Variants in CSMD3 observed in about 807,000 individuals in gnomAD.
CSMD3 encodes CUB and sushi domain-containing protein 3.
In CSMD3, 177 loss-of-function variants were observed where a neutral mutation model predicts 435.2. The observed-to-expected ratio is 0.41, with a 90% CI of 0.36 to 0.46. The LOEUF is 0.46. CSMD3 is among the 20% of genes least tolerant of loss of function. The pLI is 0.34. For synonymous variants in CSMD3, 1,656 were observed against 1,520.5 expected (o/e 1.09, Z -2.07); for missense variants, 4,265 against 4,504.6 (o/e 0.95, Z 1.52).
In CSMD3 at chr8:112,306,133, A is replaced by G. The variant is rs1821400276; in HGVS notation, c.7945T>C (p.Leu2649=). 1.9e-6 allele frequency: 3 copies of G among 1,613,448 alleles called. No homozygotes were observed. The highest frequency in any genetic ancestry group is 2.5e-6 in the Non-Finnish European group (3 of 1,179,514). ...AAATAGGTAACTCGCGTTCCTACCA[A>G]ATAGTCTGTTGTTAGTATTCCTCCA... ...TNGGILTTDY[L]VGTRVTYFCN... is the part of the protein sequence containing the mutation. The change falls in exon 51 of 71, where the codon TTG becomes CTG. Residue 2649 remains leucine, a synonymous_variant. Transcript: ENST00000297405.
chr8:113,203,084 ATACAG>A (rs926380222), intron 3 of CSMD3, among the ~76,000 whole-genome samples: 1 of 152,068 alleles, frequency 6.6e-6, no homozygotes, highest in African/African-American at 2.4e-5. Flanking sequence ...CTTAACAATA[ATACAG>A]TATAGTTTCT....
chr8:112,552,825 TCTTTAAAGTATACATTTGTATAAAC>T, intron 25 of CSMD3, 105 bp from the exon 26 acceptor site: 1 of 1,001,206 alleles, frequency 1.0e-6, no homozygotes, highest in South Asian at 1.3e-5. Context: ...TTTTCTTGTT[TCTTTAAAGTATACATTTGTATAAAC>T]TTTTAAAGTA....
chr8:113,355,795 T>TGTG (rs66729311), intron 1 of CSMD3, among the ~76,000 whole-genome samples: 64,965 of 117,342 alleles, frequency 0.55, 19,260 homozygotes, highest in South Asian at 0.66. Context: ...GTGTGTGTGT[T>TGTG]TGTCAACTAT....
chr8:112,367,510 C>A (rs1216240759), intron 38 of CSMD3, among the ~76,000 whole-genome samples: 1 of 152,114 alleles, frequency 6.6e-6, no homozygotes, highest in Admixed American at 6.5e-5. Context: ...GACCAGAAAC[C>A]TGAGAATCAT....
intron 17 of CSMD3, among the ~76,000 whole-genome samples, chr8:112,657,060 A>AC (rs2075274722): frequency 7.3e-6 from 1 of 137,928 alleles, no homozygotes; most frequent in African/African-American, 2.7e-5. Flanking sequence ...TTTTCTTTTT[A>AC]CTTTTTTTTT....
At chr8:112,336,920 A>G (rs1329636681) in intron 43 of CSMD3, 91 bp from the exon 44 acceptor site, 5 of 1,058,006 alleles carry the variant, frequency 4.7e-6, no homozygotes, top group East Asian at 5.2e-5. Flanking sequence ...TATCTTAAGC[A>G]TTATGAAACA....
intron 24 of CSMD3, among the ~76,000 whole-genome samples, chr8:112,557,823 A>G (rs1455794134): frequency 1.3e-5 from 2 of 151,902 alleles, no homozygotes; most frequent in African/African-American, 4.8e-5. Context: ...TGTTTCCCTG[A>G]GTTTTGTGAG....
At chr8:112,700,658 T>C (rs1479739280) in intron 13 of CSMD3, among the ~76,000 whole-genome samples, 1 of 152,102 alleles carries the variant, frequency 6.6e-6, no homozygotes, top group African/African-American at 2.4e-5. Context: ...ATGTTACCAG[T>C]TGTCTCAGGC....
chr8:112,399,968 C>T (rs554890743), intron 35 of CSMD3, among the ~76,000 whole-genome samples: 3 of 152,242 alleles, frequency 2.0e-5, no homozygotes, highest in African/African-American at 7.2e-5. Context: ...TCTTTCACAA[C>T]AATGTAGGCT....
chr8:112,762,685 T>A (rs1484950978), intron 13 of CSMD3, among the ~76,000 whole-genome samples: 13 of 152,070 alleles, frequency 8.5e-5, no homozygotes, highest in Middle Eastern at 3.4e-3. Flanking sequence ...CTGGTTTCTG[T>A]TAATGACATA....
chr8:112,289,836 G>A (rs1819588208), intron 56 of CSMD3, among the ~76,000 whole-genome samples: 1 of 152,054 alleles, frequency 6.6e-6, no homozygotes. Context: ...AGAGTGATGA[G>A]TGTGTGTCCA....
intron 7 of CSMD3, among the ~76,000 whole-genome samples, chr8:112,968,395 T>C (rs1338098500): frequency 6.6e-6 from 1 of 151,880 alleles, no homozygotes; most frequent in East Asian, 1.9e-4. Context: ...AATACCCACA[T>C]TGTCCATTAC....
intron 4 of CSMD3, among the ~76,000 whole-genome samples, chr8:113,103,458 T>A (rs1267635167): frequency 6.6e-6 from 1 of 152,074 alleles, no homozygotes; most frequent in African/African-American, 2.4e-5. Context: ...TTGTAAAACA[T>A]GAAGAAAACC....
chr8:112,482,047 T>C (rs964193589), intron 31 of CSMD3, among the ~76,000 whole-genome samples: 1 of 152,176 alleles, frequency 6.6e-6, no homozygotes, highest in Non-Finnish European at 1.5e-5. Context: ...AATCAGTGGC[T>C]TATAAACCAT....
chr8:112,232,159 C>T (rs976559725), intron 68 of CSMD3, among the ~76,000 whole-genome samples: 2 of 152,138 alleles, frequency 1.3e-5, no homozygotes, highest in Non-Finnish European at 2.9e-5. Flanking sequence ...AAGCCAGCCA[C>T]AAAAGGCCAC....
At position 112,301,495 on chromosome 8, in the gene CSMD3, G is replaced by A. The variant is rs557110903; in HGVS notation, c.8440+298C>T. On this transcript the variant is annotated intron_variant, in intron 53 of 70. Coordinates refer to ENST00000297405, the MANE Select transcript of CSMD3 (RefSeq NM_198123.2). ...TTTAGAATGACTTAATAGCTACAGC[G>A]ATTAATCCAGCTGAGTAAGCAGGCA... is the stretch of plus-strand genomic sequence containing the variant. Among the ~76,000 whole-genome samples, 10 of 152,162 alleles carry A rather than the reference G, an allele frequency of 6.6e-5. No individual in the cohort carries two copies. The South Asian group carries it at 2.1e-3, about 32-fold the overall frequency.
At chr8:112,712,087 C>T (rs1299756345) in intron 13 of CSMD3, among the ~76,000 whole-genome samples, 1 of 152,022 alleles carries the variant, frequency 6.6e-6, no homozygotes, top group Non-Finnish European at 1.5e-5. Context: ...ACTCTGTGTG[C>T]AAGTCAGTGA....
At chr8:112,932,534 A>C (rs888582767) in intron 9 of CSMD3, among the ~76,000 whole-genome samples, 44 of 152,110 alleles carry the variant, frequency 2.9e-4, no homozygotes, top group African/African-American at 9.6e-4. Flanking sequence ...GCTACTTGGG[A>C]GGCTGAGGCA....
intron 3 of CSMD3, among the ~76,000 whole-genome samples, chr8:113,197,622 A>C (rs907958533): frequency 2.0e-5 from 3 of 151,304 alleles, no homozygotes; most frequent in Non-Finnish European, 4.4e-5. Flanking sequence ...ATTATGAACA[A>C]GTGAACATTA....
Sources: allele counts gnomAD v4.1 joint callset (sites outside exome capture counted in the v4.1 genomes callset), GRCh38; gene constraint gnomAD v4.1.1; transcripts MANE v1.5; gene names NCBI Gene and HGNC (gene_info 2026-07-23, HGNC 2026-07-21).